Variants in NYAP2 observed in about 807,000 individuals in gnomAD.
NYAP2 encodes neuronal tyrosine-phosphorylated phosphoinositide-3-kinase adaptor 2.
In NYAP2, 23 loss-of-function variants were observed where a neutral mutation model predicts 50.4. The observed-to-expected ratio is 0.46, with a 90% CI of 0.33 to 0.65. The LOEUF (loss-of-function observed/expected upper bound fraction) is 0.65, where lower values mean the gene tolerates loss of function less well. NYAP2 is among the 30% of genes least tolerant of loss of function. The probability of loss-of-function intolerance (pLI) is 0.02; values close to 1 mark genes in which losing one functional copy is unlikely to be tolerated. For missense variants in NYAP2, 885 were observed against 861.0 expected, an observed-to-expected ratio of 1.03 and a Z score of -0.35; for synonymous variants, 394 against 365.2, an observed-to-expected ratio of 1.08 and a Z score of -0.90.
the NYAP2 span, among the ~76,000 whole-genome samples, chr2:225,667,430 A>G: frequency 6.6e-6 from 1 of 152,182 alleles, no homozygotes; most frequent in African/African-American, 2.4e-5. Context: ...TTATAGGATT[A>G]ACAAATGTTG....
At chr2:225,687,067 T>C in the NYAP2 span, among the ~76,000 whole-genome samples, 2 of 152,194 alleles carry the variant, frequency 1.3e-5, no homozygotes, top group African/African-American at 2.4e-5. Flanking sequence ...TGTGAAGCAA[T>C]CTGCTATAAT....
intron 6 of NYAP2, among the ~76,000 whole-genome samples, chr2:225,630,712 T>C (rs1358502371): frequency 6.6e-6 from 1 of 152,202 alleles, no homozygotes; most frequent in Non-Finnish European, 1.5e-5. Context: ...GATATTTGGA[T>C]ATTTTTGTAG....
intron 5 of NYAP2, among the ~76,000 whole-genome samples, chr2:225,623,194 G>T (rs570981277): frequency 2.6e-5 from 4 of 152,288 alleles, no homozygotes; most frequent in East Asian, 3.9e-4. Flanking sequence ...ACAGGCAAAG[G>T]CTATTTATTC....
chr2:225,595,929 C>T (rs1692589284), intron 5 of NYAP2, among the ~76,000 whole-genome samples: 1 of 152,184 alleles, frequency 6.6e-6, no homozygotes, highest in Non-Finnish European at 1.5e-5. Context: ...ATGAGGCTTC[C>T]TAATTGGGCT....
chr2:225,652,361 T>C (rs1693747591), exon 7 of NYAP2: 2 of 152,196 alleles, frequency 1.3e-5, no homozygotes, highest in African/African-American at 4.8e-5. Context: ...GTAAATGAGA[T>C]CTCAATTATC....
rs141040339 is a variant in NYAP2, at chr2:225,572,857, C to T, written c.524-9084C>T. On this transcript the variant is annotated intron_variant, in intron 4 of 6. Transcript: ENST00000636099. ...TGTAAGGGGCCACCAGGCTTTGCTC[C>T]ATGGTCTTAAGGTTTTCCATCCTTG... Among the ~76,000 whole-genome samples, 12 of 152,276 alleles carry T rather than the reference C, an allele frequency of 7.9e-5. 1 individual carries two copies. Among genetic ancestry groups the T allele is most frequent in the African/African-American group, 2.6e-4 (11 of 41,562 alleles).
chr2:225,490,700 C>G (rs1268840003), intron 3 of NYAP2, among the ~76,000 whole-genome samples: 2 of 152,156 alleles, frequency 1.3e-5, no homozygotes, highest in African/African-American at 4.8e-5. Context: ...AGAGAGGAAC[C>G]TGACAGGGCA....
At chr2:225,598,213 G>A (rs1692637894) in intron 5 of NYAP2, among the ~76,000 whole-genome samples, 1 of 152,146 alleles carries the variant, frequency 6.6e-6, no homozygotes, top group African/African-American at 2.4e-5. Context: ...AGGGCTGACT[G>A]AGCAGCATGA....
intron 3 of NYAP2, among the ~76,000 whole-genome samples, chr2:225,473,459 C>G (rs1481370075): frequency 6.6e-6 from 1 of 152,210 alleles, no homozygotes; most frequent in Non-Finnish European, 1.5e-5. Context: ...TCCACATCCT[C>G]TCCAGCACCT....
chr2:225,536,575 AT>A (rs1691354882), intron 4 of NYAP2, among the ~76,000 whole-genome samples: 1 of 152,144 alleles, frequency 6.6e-6, no homozygotes, highest in Non-Finnish European at 1.5e-5. Flanking sequence ...GTATATATTA[AT>A]GGGGTACATA....
At chr2:225,571,514 G>C (rs1230304090) in intron 4 of NYAP2, among the ~76,000 whole-genome samples, 2 of 152,336 alleles carry the variant, frequency 1.3e-5, no homozygotes, top group Admixed American at 1.3e-4. Flanking sequence ...CCACATGAAA[G>C]CTGCCTAAGT....
intron 5 of NYAP2, among the ~76,000 whole-genome samples, chr2:225,614,059 ACG>A (rs1692944075): frequency 6.6e-6 from 1 of 152,156 alleles, no homozygotes; most frequent in African/African-American, 2.4e-5. Context: ...TTTCAAATCC[ACG>A]ATTGTATCTG....
chr2:225,622,952 T>C (rs1462132193), intron 5 of NYAP2, among the ~76,000 whole-genome samples: 1 of 152,230 alleles, frequency 6.6e-6, no homozygotes, highest in African/African-American at 2.4e-5. Flanking sequence ...TATAAATACT[T>C]AGGTCCTCCA....
chr2:225,511,133 C>A (rs1690805516), intron 3 of NYAP2, among the ~76,000 whole-genome samples: 1 of 152,016 alleles, frequency 6.6e-6, no homozygotes, highest in Non-Finnish European at 1.5e-5. Flanking sequence ...TAATTGAAAG[C>A]AAAGTTAGAT....
intron 3 of NYAP2, among the ~76,000 whole-genome samples, chr2:225,445,886 T>C (rs1261329647): frequency 2.0e-5 from 3 of 152,184 alleles, no homozygotes; most frequent in Non-Finnish European, 4.4e-5. Context: ...AATTAGTTTA[T>C]TTACTTATTA....
rs114632178 is a variant in NYAP2, at chr2:225,493,319, G to A, written c.222-20052G>A. On this transcript the variant is annotated intron_variant, in intron 3 of 6. Transcript: ENST00000636099. Reference sequence around the variant, plus strand: ...ACTTTTATGTTTTTTTAAAAAGTCTGTTTAAAATGCATTGCCAAAGCCTAC... The same window carrying A: ...ACTTTTATGTTTTTTTAAAAAGTCTATTTAAAATGCATTGCCAAAGCCTAC... Among the ~76,000 whole-genome samples the A allele has an allele frequency of 3.8e-3, 574 of 152,306 alleles. 3 individuals are homozygous for A. Among genetic ancestry groups the A allele is most frequent in the Middle Eastern group, 0.014 (4 of 294 alleles).
chr2:225,511,071 C>T (rs1690804711), intron 3 of NYAP2, among the ~76,000 whole-genome samples: 1 of 152,024 alleles, frequency 6.6e-6, no homozygotes, highest in Non-Finnish European at 1.5e-5. Flanking sequence ...CCTTAAAGCA[C>T]CTTTTGTGCT....
intron 3 of NYAP2, among the ~76,000 whole-genome samples, chr2:225,414,722 T>C (rs953282714): frequency 2.0e-5 from 3 of 151,974 alleles, no homozygotes; most frequent in African/African-American, 7.2e-5. Context: ...GTTTAGGCCA[T>C]CAAGTGACGA....
chr2:225,700,837 AATGTTGGCC>A, the NYAP2 span: 1 of 151,786 alleles, frequency 6.6e-6, no homozygotes, highest in African/African-American at 2.4e-5. Flanking sequence ...AAGTTTATTT[AATGTTGGCC>A]ATTTGTCAAG....
Sources: gnomAD v4.1 joint callset for allele counts (sites outside exome capture counted in the v4.1 genomes callset) on GRCh38, gnomAD v4.1.1 for gene constraint, MANE v1.5 for transcripts, NCBI Gene and HGNC (gene_info 2026-07-23, HGNC 2026-07-21) for gene names.